FERMT3: variants seen among roughly 807,000 people sequenced by gnomAD.
FERMT3 encodes fermitin family homolog 3.
FERMT3 carries 33 observed loss-of-function variants against 80.8 expected under a neutral mutation model. The observed-to-expected ratio is 0.41, with a 90% CI of 0.31 to 0.55. FERMT3 has a LOEUF of 0.55. Among genes scored for constraint, FERMT3 ranks in the 20% least tolerant of loss-of-function variants. The probability of loss-of-function intolerance (pLI) is 0.31; values close to 1 mark genes in which losing one functional copy is unlikely to be tolerated. For synonymous variants in FERMT3, 375 were observed against 372.2 expected (o/e 1.01, Z -0.09); for missense variants, 754 against 908.7 (o/e 0.83, Z 2.19).
intron 2 of FERMT3, chr11:64,207,775 G>C (rs1946346485): frequency 1.6e-5 from 8 of 485,280 alleles, no homozygotes; most frequent in Non-Finnish European, 2.2e-5. Flanking sequence ...CCTCCATTCA[G>C]CCACCAATAG....
In FERMT3 at chr11:64,210,052, C is replaced by T. The variant is rs1448096715; in HGVS notation, c.161-559C>T. ...CCACATGGGAGGCCTTGTTCCGTGT[C>T]CCAGTTTGTAAGATCGTTATTGTAT... On this transcript the variant is annotated intron_variant, in intron 2 of 14. Coordinates refer to ENST00000345728, the MANE Select transcript of FERMT3 (RefSeq NM_031471.6). This position sits in a 1 kb window ranked among gnomAD's most constrained non-coding sequence, Gnocchi z 4.3. Among the ~76,000 whole-genome samples the T allele has an allele frequency of 6.6e-6, 1 of 152,178 alleles. No homozygotes were observed. Among genetic ancestry groups the T allele is most frequent in the South Asian group, 2.1e-4 (1 of 4,832 alleles).
At chr11:64,212,269 A>G (rs112519205) in intron 6 of FERMT3, among the ~76,000 whole-genome samples, 5,004 of 152,292 alleles carry the variant, frequency 0.033, 122 homozygotes, top group Non-Finnish European at 0.055. Context: ...GCTCCATGCA[A>G]TGTGCTTCGC....
Position 64,210,473 on chromosome 11 carries a change from C to A in FERMT3, c.161-138C>A, listed in dbSNP as rs1946411277. ...CTGTTACCATGGGGTAGACCCCAGG[C>A]CCGCCCAGGCTGCCCCACTCTTGGC... On this transcript the variant is annotated intron_variant, in intron 2 of 14. Coordinates refer to ENST00000345728, the MANE Select transcript of FERMT3 (RefSeq NM_031471.6). This position sits in a 1 kb window ranked among gnomAD's most constrained non-coding sequence, Gnocchi z 4.3. 2 of 849,698 alleles carry A rather than the reference C, an allele frequency of 2.4e-6. No individual in the cohort carries two copies. Among genetic ancestry groups the A allele is most frequent in the South Asian group, 3.1e-5 (2 of 64,410 alleles). The allele number at this position is 849,698 out of a possible 1,614,324, so 52.6% of individuals were successfully genotyped here.
At chr11:64,220,101 C>T (rs2134883662) in intron 10 of FERMT3, 86 bp downstream of exon 10, 1 of 1,585,466 alleles carries the variant, frequency 6.3e-7, no homozygotes, top group Non-Finnish European at 8.7e-7. Context: ...CTGTTTCCTC[C>T]TGGAGACCGG....
chr11:64,213,129 C>A (rs1158119566), intron 6 of FERMT3, among the ~76,000 whole-genome samples: 3 of 151,518 alleles, frequency 2.0e-5, no homozygotes, highest in Non-Finnish European at 4.4e-5. Flanking sequence ...AATCTCGGCT[C>A]ACTGCAACCT....
At chr11:64,222,464 C>A (rs1946719641) in intron 13 of FERMT3, among the ~76,000 whole-genome samples, 1 of 146,860 alleles carries the variant, frequency 6.8e-6, no homozygotes, top group African/African-American at 2.5e-5. Context: ...ACTCGGGAGG[C>A]TGAGACAGGA....
intron 6 of FERMT3, among the ~76,000 whole-genome samples, chr11:64,216,872 C>T (rs1027230823): frequency 5.3e-5 from 8 of 151,530 alleles, no homozygotes; most frequent in Non-Finnish European, 1.0e-4. Context: ...TTTTGATTCA[C>T]GTTTGAAGTT....
rs192849214 is a variant in FERMT3, at chr11:64,214,997, A to G, written c.786+3250A>G. ...ATTTCTTCTTGTATTTTGAGTAGAG[A>G]TGGGATTTCACCATGTTGGCCAAGC... On this transcript the variant is annotated intron_variant, in intron 6 of 14. Coordinates refer to ENST00000345728, the MANE Select transcript of FERMT3 (RefSeq NM_031471.6). 3.8e-4 allele frequency among the ~76,000 whole-genome samples: 58 copies of G among 151,960 alleles called. No individual in the cohort carries two copies. The East Asian group carries it at 9.7e-3, about 26-fold the overall frequency.
At position 64,223,513 on chromosome 11, in the gene FERMT3, C is replaced by T. The variant is rs1003789548; in HGVS notation, c.*21C>T. 8 of 1,549,416 alleles carry T rather than the reference C, an allele frequency of 5.2e-6. No individual in the cohort carries two copies. The Admixed American group carries it at 1.3e-4, about 25-fold the overall frequency. On this transcript the variant is annotated 3_prime_UTR_variant, in exon 15 of 15. Transcript: ENST00000345728. ...TCTGAGGGCTGTCTGATTGCCCCTGCCCTGCTCACCACCCTGTCACAGCCA... is the reference window on the plus strand; with the variant it reads ...TCTGAGGGCTGTCTGATTGCCCCTGTCCTGCTCACCACCCTGTCACAGCCA...
At chr11:64,218,659 A>C (rs1180335704) in intron 6 of FERMT3, among the ~76,000 whole-genome samples, 2 of 152,156 alleles carry the variant, frequency 1.3e-5, no homozygotes, top group Non-Finnish European at 2.9e-5. Context: ...ATTTTGGGTG[A>C]GTTTCAGCGG....
At position 64,207,481 on chromosome 11, in the gene FERMT3, G is replaced by T. The variant is rs1946337603; in HGVS notation, c.117G>T (p.Glu39Asp). 6.2e-7 allele frequency: 1 copy of T among 1,613,802 alleles called. No individual in the cohort carries two copies. The change falls in exon 2 of 15, where the codon GAG (glutamate) becomes GAT (aspartate). Residue 39 changes from glutamate to aspartate, a missense_variant. By Grantham distance (45) the Glu-to-Asp change is conservative (BLOSUM62 2). Transcript: ENST00000345728. ...CGGTCACCCTGCGGGTCACTGGGGA[G>T]TCGCACATCGGCGGGGTGCTCCTGA... Reference protein sequence around the residue: ...AESVTLRVTGESHIGGVLLKI... With the variant: ...AESVTLRVTGDSHIGGVLLKI...
intron 6 of FERMT3, among the ~76,000 whole-genome samples, chr11:64,218,383 AC>A (rs1370214863): frequency 1.3e-5 from 2 of 151,692 alleles, no homozygotes; most frequent in Non-Finnish European, 2.9e-5. Flanking sequence ...AGCTCACTGC[AC>A]CCTCAACCTC....
intron 13 of FERMT3, among the ~76,000 whole-genome samples, chr11:64,221,608 G>A (rs1248049850): frequency 1.3e-5 from 2 of 152,036 alleles, no homozygotes; most frequent in Non-Finnish European, 2.9e-5. Flanking sequence ...TCCAGCCTGG[G>A]TGACAAAGCG....
Position 64,223,817 on chromosome 11 carries a change from G to A in FERMT3, c.*325G>A. 8.4e-7 allele frequency: 1 copy of A among 1,196,344 alleles called. No individual in the cohort carries two copies. Among genetic ancestry groups the A allele is most frequent in the Non-Finnish European group, 1.2e-6 (1 of 845,614 alleles). The allele number at this position is 1,196,344 out of a possible 1,614,324, so 74.1% of individuals were successfully genotyped here. ...ATGTAGCTACAGGATGATGAAACAT[G>A]GTTTCAAACGAGTTCTTTCTTGTTA... On this transcript the variant is annotated 3_prime_UTR_variant, in exon 15 of 15. Transcript: ENST00000345728.
At chr11:64,209,808 A>G (rs959674159) in intron 2 of FERMT3, among the ~76,000 whole-genome samples, 2 of 152,070 alleles carry the variant, frequency 1.3e-5, no homozygotes, top group African/African-American at 4.8e-5. Flanking sequence ...GCAAACTCTC[A>G]AGGGCTGTGT....
Position 64,211,028 on chromosome 11 carries a change from C to A in FERMT3, c.395-24C>A. Reference sequence around the variant, plus strand: ...GGAGGCTGCAGCAGGACCTAGTCCCCGCTGAGACCCTAGCTCCCCTCAGGC... The same window carrying A: ...GGAGGCTGCAGCAGGACCTAGTCCCAGCTGAGACCCTAGCTCCCCTCAGGC... On this transcript the variant is annotated intron_variant, in intron 3 of 14. Transcript: ENST00000345728. The surrounding 1 kb of genome is among the most constrained non-coding windows in gnomAD (Gnocchi z 4.7). The A allele has an allele frequency of 6.2e-7, 1 of 1,606,564 alleles. No individual in the cohort carries two copies. Among genetic ancestry groups the A allele is most frequent in the Non-Finnish European group, 8.5e-7 (1 of 1,176,824 alleles).
chr11:64,210,074 G>T lies in FERMT3; in HGVS notation c.161-537G>T, dbSNP rs12787945. ...TGTCCCAGTTTGTAAGATCGTTATT[G>T]TATCTTACAGGGAAACTGAGGCCCA... On this transcript the variant is annotated intron_variant, in intron 2 of 14. Coordinates refer to ENST00000345728, the MANE Select transcript of FERMT3 (RefSeq NM_031471.6). This position sits in a 1 kb window ranked among gnomAD's most constrained non-coding sequence, Gnocchi z 4.3. Among the ~76,000 whole-genome samples, 1 of 151,982 alleles carries T rather than the reference G, an allele frequency of 6.6e-6. No individual in the cohort carries two copies. The highest frequency in any genetic ancestry group is 6.6e-5 in the Admixed American group (1 of 15,266).
chr11:64,222,601 GAGAGC>G, intron 13 of FERMT3, among the ~76,000 whole-genome samples: 1 of 151,660 alleles, frequency 6.6e-6, no homozygotes, highest in South Asian at 2.1e-4. Flanking sequence ...TTCAGGTCAG[GAGAGC>G]AGAAGAACCA....
chr11:64,206,015 A>G, upstream of FERMT3, among the ~76,000 whole-genome samples: 1 of 152,328 alleles, frequency 6.6e-6, no homozygotes, highest in African/African-American at 2.4e-5. Flanking sequence ...ATAGACCACC[A>G]GAGACCCCTG....
Sources: allele counts gnomAD v4.1 joint callset (sites outside exome capture counted in the v4.1 genomes callset), GRCh38; gene constraint gnomAD v4.1.1; non-coding constraint Gnocchi (gnomAD v3.1); transcripts MANE v1.5; gene names NCBI Gene and HGNC (gene_info 2026-07-23, HGNC 2026-07-21).